Variants in MCM3AP observed in about 807,000 individuals in gnomAD.
The protein encoded by MCM3AP is minichromosome maintenance complex component 3 associated protein, also known as germinal-center associated nuclear protein.
In MCM3AP, 126 loss-of-function variants were observed where a neutral mutation model predicts 184.1. The observed-to-expected ratio is 0.68, with a 90% CI of 0.59 to 0.79. The LOEUF is 0.79. Ranked by LOEUF, MCM3AP falls within the 30% of genes least tolerant of loss-of-function variation. The pLI is 0.00. For synonymous variants in MCM3AP, 1,002 were observed against 979.3 expected (o/e 1.02, Z -0.43); for missense variants, 2,496 against 2,479.2 (o/e 1.01, Z -0.14).
intron 2 of MCM3AP, among the ~76,000 whole-genome samples, chr21:46,281,103 G>A (rs1297894059): frequency 6.6e-6 from 1 of 152,160 alleles, no homozygotes; most frequent in Non-Finnish European, 1.5e-5. Context: ...ACCGCGCCCG[G>A]CCCCTTTTTT....
At chr21:46,277,468 T>C in intron 5 of MCM3AP, 59 bp downstream of exon 5, 2 of 1,389,018 alleles carry the variant, frequency 1.4e-6, no homozygotes, top group South Asian at 1.5e-5. Flanking sequence ...CCTGCCCTGA[T>C]GGCACCCAAG....
Position 46,266,742 on chromosome 21 carries a change from G to C in MCM3AP, c.2789+240C>G, listed in dbSNP as rs17176422. 1,271 of 523,896 alleles carry C rather than the reference G, an allele frequency of 2.4e-3. 19 individuals are homozygous for C. Among genetic ancestry groups the C allele is most frequent in the African/African-American group, 0.022 (1,167 of 52,336 alleles). The allele number at this position is 523,896 out of a possible 1,614,324, so 32.5% of individuals were successfully genotyped here. ...CTTTTATCTTTAGGTTTGTCAGCAA[G>C]TCATGAAAAGGACTGATTTTGGAGT... On this transcript the variant is annotated intron_variant, in intron 10 of 27. Transcript: ENST00000291688.
intron 25 of MCM3AP, chr21:46,242,391 T>A (rs2080682897): frequency 6.6e-6 from 1 of 152,064 alleles, no homozygotes; most frequent in Admixed American, 6.5e-5. Flanking sequence ...CAGGTATAAA[T>A]TTTAAGAAAC....
chr21:46,258,883 G>T, intron 16 of MCM3AP, 56 bp downstream of exon 16: 1 of 1,592,098 alleles, frequency 6.3e-7, no homozygotes, highest in Non-Finnish European at 8.6e-7. Flanking sequence ...TTTTGAATTT[G>T]TTAAAAGACT....
chr21:46,251,847 T>C (rs2080874645), intron 19 of MCM3AP, 165 bp from the exon 20 acceptor site: 3 of 482,192 alleles, frequency 6.2e-6, no homozygotes, highest in Non-Finnish European at 1.1e-5. Flanking sequence ...AAACAGGCTG[T>C]TGTTTTAAAA....
chr21:46,249,332 C>T (rs1411823381), intron 20 of MCM3AP, among the ~76,000 whole-genome samples: 2 of 152,156 alleles, frequency 1.3e-5, no homozygotes, highest in African/African-American at 4.8e-5. Flanking sequence ...GAACTACAGG[C>T]ACACACCACC....
At chr21:46,257,057 G>C in intron 16 of MCM3AP, 71 bp from the exon 17 acceptor site, 1 of 1,530,452 alleles carries the variant, frequency 6.5e-7, no homozygotes. Flanking sequence ...ATTGCAGTCA[G>C]AACTCAGGCA....
rs1266858194 is a variant in MCM3AP, at chr21:46,235,261, A to G, written c.*7T>C. The G allele has an allele frequency of 1.2e-6, 2 of 1,614,018 alleles. No homozygotes were observed. The highest frequency in any genetic ancestry group is 1.7e-6 in the Non-Finnish European group (2 of 1,179,972). Reference sequence around the variant, plus strand: ...GGGAGAGACCCCCTCCCCACAGGTCAGGCTGCTCAAATGTCCACCATGTCT... The same window carrying G: ...GGGAGAGACCCCCTCCCCACAGGTCGGGCTGCTCAAATGTCCACCATGTCT... On this transcript the variant is annotated 3_prime_UTR_variant, in exon 28 of 28. Transcript: ENST00000291688.
intron 13 of MCM3AP, among the ~76,000 whole-genome samples, chr21:46,262,824 G>T (rs1448823533): frequency 1.3e-5 from 2 of 149,856 alleles, no homozygotes; most frequent in Non-Finnish European, 3.0e-5. Flanking sequence ...AAAATTAGCC[G>T]GGCGAGGTAG....
intron 22 of MCM3AP, 137 bp from the exon 23 acceptor site, chr21:46,245,334 G>GA: frequency 1.3e-6 from 1 of 743,608 alleles, no homozygotes; most frequent in South Asian, 1.9e-5. Flanking sequence ...GTAGGAAGGG[G>GA]AACAGAAGTG....
chr21:46,266,744 C>T lies in MCM3AP; in HGVS notation c.2789+238G>A, dbSNP rs2145681167. 5.7e-6 allele frequency: 3 copies of T among 524,050 alleles called. No homozygotes were observed. The East Asian group carries it at 9.5e-5, about 17-fold the overall frequency. 32.5% of individuals were successfully genotyped at this position (524,050 alleles called of 1,614,324 possible). ...TTTATCTTTAGGTTTGTCAGCAAGTCATGAAAAGGACTGATTTTGGAGTCA... is the reference window on the plus strand; with the variant it reads ...TTTATCTTTAGGTTTGTCAGCAAGTTATGAAAAGGACTGATTTTGGAGTCA... On this transcript the variant is annotated intron_variant, in intron 10 of 27. Transcript: ENST00000291688.
At position 46,273,478 on chromosome 21, in the gene MCM3AP, G is replaced by C; in HGVS notation, c.2106C>G (p.Asp702Glu). 1 of 1,613,946 alleles carries C rather than the reference G, an allele frequency of 6.2e-7. No individual in the cohort carries two copies. The highest frequency in any genetic ancestry group is 8.5e-7 in the Non-Finnish European group (1 of 1,179,836). The change falls in exon 7 of 28, where the codon GAC becomes GAG. Residue 702 changes from aspartate to glutamate, a missense_variant. This residue lies in a region of MCM3AP where 130 missense variants were observed against 199.8 expected (regional missense o/e 0.65). Transcript: ENST00000291688. Reference sequence around the variant, plus strand: ...GGTCCATGATCTGGGTCACCAGGTAGTCCATGGTCCTGCTGAGCACTGGCA... The same window carrying C: ...GGTCCATGATCTGGGTCACCAGGTACTCCATGGTCCTGCTGAGCACTGGCA... ...RPLPVLSRTM[D>E]YLVTQIMDQK...
At position 46,273,441 on chromosome 21, in the gene MCM3AP, T is replaced by C. The variant is rs376852044; in HGVS notation, c.2143A>G (p.Ser715Gly). ...ACGAAGTCATACCAATCCCGCAGGC[T>C]GCCCTCCTTCTGGTCCATGATCTGG... Reference protein sequence around the residue: ...VTQIMDQKEGSLRDWYDFVWN... With the variant: ...VTQIMDQKEGGLRDWYDFVWN... Residue 715 changes from serine (S) to glycine (G), a missense_variant, in exon 7 of 28, where the codon AGC becomes GGC. Physicochemically the swap from Ser to Gly is moderately conservative, Grantham distance 56. Transcript: ENST00000291688. 4.3e-6 allele frequency: 7 copies of C among 1,613,906 alleles called. No individual in the cohort carries two copies. The highest frequency in any genetic ancestry group is 1.3e-5 in the African/African-American group (1 of 74,942).
rs1334287211 is a variant in MCM3AP, at chr21:46,244,980, A to G, written c.4865T>C (p.Val1622Ala). The G allele has an allele frequency of 1.2e-6, 2 of 1,614,214 alleles. No individual in the cohort carries two copies. Among genetic ancestry groups the G allele is most frequent in the Admixed American group, 3.3e-5 (2 of 60,030 alleles). Residue 1622 changes from valine (V) to alanine (A), a missense_variant, in exon 23 of 28, where the codon GTG (valine) becomes GCG (alanine). Val to Ala is a moderately conservative substitution (Grantham distance 64, BLOSUM62 0). Transcript: ENST00000291688. The stretch of plus-strand genomic sequence containing the variant: ...GTCACACAGCTGTTCAGAGGACACC[A>G]CAGAAGCCAGGAACTGCAGCACACT... ...FNSVLQFLAS[V>A]VSSEQLCDLS...
Position 46,265,581 on chromosome 21 carries a change from G to A in MCM3AP, c.3032-58C>T, listed in dbSNP as rs183749447. On this transcript the variant is annotated intron_variant, in intron 11 of 27. Transcript: ENST00000291688. ...GCAGACACAGGGTGCCTGGCACCAC[G>A]GGGACCGAGGTCTGTGCAGGGACAG... 100 of 1,393,632 alleles carry A rather than the reference G, an allele frequency of 7.2e-5. No individual in the cohort carries two copies. The African/African-American group carries it at 1.1e-3, about 15-fold the overall frequency. The allele number at this position is 1,393,632 out of a possible 1,614,324, so 86.3% of individuals were successfully genotyped here. A position where few individuals can be genotyped will look rare whatever the true frequency, so the allele number is the denominator to read the frequency against.
intron 15 of MCM3AP, among the ~76,000 whole-genome samples, chr21:46,259,819 G>A (rs1421846715): frequency 1.3e-5 from 2 of 151,706 alleles, no homozygotes; most frequent in East Asian, 3.9e-4. Context: ...GGCTGAGAAT[G>A]GCGTGAACCC....
rs2080503915 is a variant in MCM3AP, at chr21:46,235,439, AAAAG to A, written c.5785-17_5785-14del. 2 of 1,613,496 alleles carry A rather than the reference AAAAG, an allele frequency of 1.2e-6. No homozygotes were observed. The highest frequency in any genetic ancestry group is 1.3e-5 in the African/African-American group (1 of 75,034). ...TCATCATGTCACTCTATTTGAATAA[AAAAG>A]AAACTGAACAGTTTTGGGATGTCAA... On this transcript the variant is annotated splice_polypyrimidine_tract_variant and intron_variant, in intron 27 of 27. Transcript: ENST00000291688.
chr21:46,243,968 T>C (rs2080720945), intron 23 of MCM3AP, among the ~76,000 whole-genome samples: 1 of 152,220 alleles, frequency 6.6e-6, no homozygotes. Context: ...TACAGGCCTG[T>C]GGTTGTGCCT....
At chr21:46,239,981 G>A (rs1362501484) in intron 26 of MCM3AP, among the ~76,000 whole-genome samples, 1 of 152,196 alleles carries the variant, frequency 6.6e-6, no homozygotes, top group Non-Finnish European at 1.5e-5. Context: ...AGTATCACAA[G>A]CGTTTTTGAG....
Sources: gnomAD v4.1 joint callset for allele counts (sites outside exome capture counted in the v4.1 genomes callset) on GRCh38, gnomAD v4.1.1 for gene constraint, gnomAD v4.1.1 regional missense constraint, MANE v1.5 for transcripts, NCBI Gene and HGNC (gene_info 2026-07-23, HGNC 2026-07-21) for gene names.